TRAPPC3L: variants seen among roughly 807,000 people sequenced by gnomAD.
TRAPPC3L encodes the protein trafficking protein particle complex subunit 3-like protein.
In TRAPPC3L, 23 loss-of-function variants were observed where a neutral mutation model predicts 23.7. That is an observed-to-expected ratio of 0.97 (90% CI 0.70 to 1.37). The LOEUF (loss-of-function observed/expected upper bound fraction) is 1.37. Among genes scored for constraint, TRAPPC3L ranks in the 40% most tolerant of loss-of-function variants. The pLI, the probability that TRAPPC3L is intolerant of heterozygous loss-of-function variation, is 0.00. For missense variants in TRAPPC3L, 212 were observed against 216.8 expected, an observed-to-expected ratio of 0.98 and a Z score of 0.14; for synonymous variants, 81 against 77.9, an observed-to-expected ratio of 1.04 and a Z score of -0.21.
chr6:116,538,299 A>G (rs1447899235), intron 3 of TRAPPC3L, among the ~76,000 whole-genome samples: 1 of 152,246 alleles, frequency 6.6e-6, no homozygotes, highest in Non-Finnish European at 1.5e-5. Flanking sequence ...TCTCTGGGCC[A>G]AGGGCATTTA....
chr6:116,506,877 G>A (rs1387730343), intron 3 of TRAPPC3L, among the ~76,000 whole-genome samples: 1 of 152,142 alleles, frequency 6.6e-6, no homozygotes, highest in Admixed American at 6.6e-5. Context: ...TGGGGGGCTG[G>A]GGGAGGGATA....
chr6:116,513,242 T>C (rs1350782824), intron 3 of TRAPPC3L, among the ~76,000 whole-genome samples: 1 of 152,224 alleles, frequency 6.6e-6, no homozygotes, highest in Non-Finnish European at 1.5e-5. Flanking sequence ...TTTAAAATCA[T>C]ACACTCCAAA....
rs891900774 is a variant in TRAPPC3L at position 116,495,323 on chromosome 6, A to G, written c.*1631T>C. The G allele has an allele frequency of 6.6e-6, 1 of 151,914 alleles. No individual in the cohort carries two copies. Among genetic ancestry groups the G allele is most frequent in the Non-Finnish European group, 1.5e-5 (1 of 67,992 alleles). 9.4% of individuals were successfully genotyped at this position (151,914 alleles called of 1,614,324 possible). ...AACATAATGACCTCTAGTTCCATCC[A>G]TGTTTTGCAAATGACAGGATCTCAT... On this transcript the variant is annotated 3_prime_UTR_variant, in exon 5 of 5. Coordinates refer to ENST00000368602, the MANE Select transcript of TRAPPC3L (RefSeq NM_001139444.3).
chr6:116,511,534 A>T (rs1445552270), intron 3 of TRAPPC3L: 14 of 651,782 alleles, frequency 2.1e-5, no homozygotes. Flanking sequence ...AAACATGTTG[A>T]GAAATATTCA....
At chr6:116,507,660 G>A (rs1481607755) in intron 3 of TRAPPC3L, among the ~76,000 whole-genome samples, 1 of 152,042 alleles carries the variant, frequency 6.6e-6, no homozygotes, top group Admixed American at 6.6e-5. Flanking sequence ...TGGGGGTCTT[G>A]GTTGCAGGTA....
chr6:116,501,714 G>A (rs1771918553), intron 3 of TRAPPC3L, among the ~76,000 whole-genome samples: 1 of 152,212 alleles, frequency 6.6e-6, no homozygotes, highest in Non-Finnish European at 1.5e-5. Context: ...GCCTCCGCTG[G>A]TGATACCCAG....
At chr6:116,502,841 C>T (rs1033928881) in intron 3 of TRAPPC3L, among the ~76,000 whole-genome samples, 1 of 152,110 alleles carries the variant, frequency 6.6e-6, no homozygotes, top group Non-Finnish European at 1.5e-5. Flanking sequence ...ATTTTGTTAC[C>T]ACCAGGCCTG....
At chr6:116,510,549 A>G (rs1386772187) in intron 3 of TRAPPC3L, among the ~76,000 whole-genome samples, 8 of 152,144 alleles carry the variant, frequency 5.3e-5, no homozygotes, top group African/African-American at 1.9e-4. Flanking sequence ...CGACCTCCCA[A>G]AATGCTAGGA....
chr6:116,522,350 C>G (rs970478533), intron 3 of TRAPPC3L: 4 of 152,146 alleles, frequency 2.6e-5, no homozygotes, highest in African/African-American at 9.7e-5. Context: ...CTTTAAGCCA[C>G]TGAATTTTGG....
intron 3 of TRAPPC3L, among the ~76,000 whole-genome samples, chr6:116,527,686 T>A (rs1772486292): frequency 6.6e-6 from 1 of 152,118 alleles, no homozygotes; most frequent in South Asian, 2.1e-4. Context: ...CATAAGTCAG[T>A]TTCACATGAG....
At position 116,495,481 on chromosome 6, in the gene TRAPPC3L, GTGCAGATATCTC is replaced by G. The variant is rs1223171243; in HGVS notation, c.*1461_*1472del. 6.6e-6 allele frequency: 1 copy of G among 152,182 alleles called. No homozygotes were observed. The highest frequency in any genetic ancestry group is 6.5e-5 in the Admixed American group (1 of 15,282). 9.4% of individuals were successfully genotyped at this position (152,182 alleles called of 1,614,324 possible). A position where few individuals can be genotyped will look rare whatever the true frequency, so the allele number is the denominator to read the frequency against. The stretch of plus-strand genomic sequence containing the variant: ...CAGTAGTTCTGCAGTAAACATGGGA[GTGCAGATATCTC>G]TTTGATATACTGATTTCCTTTATTT... On this transcript the variant is annotated 3_prime_UTR_variant, in exon 5 of 5. Transcript: ENST00000368602.
intron 2 of TRAPPC3L, among the ~76,000 whole-genome samples, chr6:116,541,888 A>G (rs1773486054): frequency 6.6e-6 from 1 of 152,194 alleles, no homozygotes; most frequent in African/African-American, 2.4e-5. Context: ...TTAAAAATGT[A>G]AGAGGCTCTC....
chr6:116,536,736 G>C (rs1773118934), intron 3 of TRAPPC3L, among the ~76,000 whole-genome samples: 1 of 152,166 alleles, frequency 6.6e-6, no homozygotes, highest in Non-Finnish European at 1.5e-5. Flanking sequence ...TGTGTGGTCT[G>C]AGAGGGGAGC....
rs568107027 is a variant in TRAPPC3L, at chr6:116,497,063, G to A, written c.437C>T (p.Ala146Val). 46 of 1,537,334 alleles carry A rather than the reference G, an allele frequency of 3.0e-5. No homozygotes were observed. The highest frequency in any genetic ancestry group is 2.0e-4 in the East Asian group (8 of 39,682). The change falls in exon 5 of 5, where the codon GCG becomes GTG. Residue 146 changes from alanine to valine, a missense_variant. Physicochemically the swap from Ala to Val is moderately conservative, Grantham distance 64. Coordinates refer to ENST00000368602, the MANE Select transcript of TRAPPC3L (RefSeq NM_001139444.3). ...IRGALEMVHL[A>V]ADVTFLQDRL... ...GTCTTGCAAGAATGTAACATCAGCCGCCAAATGAACCTAGGAAAGAAGAAA... is the reference window on the plus strand; with the variant it reads ...GTCTTGCAAGAATGTAACATCAGCCACCAAATGAACCTAGGAAAGAAGAAA...
At chr6:116,510,053 A>C (rs1225281771) in intron 3 of TRAPPC3L, among the ~76,000 whole-genome samples, 3 of 152,196 alleles carry the variant, frequency 2.0e-5, no homozygotes, top group Non-Finnish European at 2.9e-5. Flanking sequence ...AGATATACAA[A>C]TGGACAACAA....
chr6:116,543,272 C>T, intron 2 of TRAPPC3L, 31 bp downstream of exon 2: 1 of 1,485,722 alleles, frequency 6.7e-7, no homozygotes, highest in Non-Finnish European at 9.1e-7. Context: ...AAACAACAGC[C>T]ATTCAATAAG....
At position 116,540,481 on chromosome 6, in the gene TRAPPC3L, G is replaced by C. The variant is rs905722796; in HGVS notation, c.141-19C>G. On this transcript the variant is annotated intron_variant, in intron 2 of 4. Coordinates refer to ENST00000368602, the MANE Select transcript of TRAPPC3L (RefSeq NM_001139444.3). ...GTAACCCCTGTGGATGACGGAAAGA[G>C]TGTGGTCTGAAAATTCTAAGAAATT... is the stretch of plus-strand genomic sequence containing the variant. 5 of 1,547,934 alleles carry C rather than the reference G, an allele frequency of 3.2e-6. No individual in the cohort carries two copies. The highest frequency in any genetic ancestry group is 2.0e-5 in the Admixed American group (1 of 50,298).
At chr6:116,501,286 CG>C (rs1200706088) in intron 3 of TRAPPC3L, among the ~76,000 whole-genome samples, 2 of 151,936 alleles carry the variant, frequency 1.3e-5, no homozygotes, top group South Asian at 2.1e-4. Context: ...TGAAGCTTGG[CG>C]GGGGGAGGGG....
intron 4 of TRAPPC3L, among the ~76,000 whole-genome samples, chr6:116,497,814 A>G (rs1771855536): frequency 6.6e-6 from 1 of 152,218 alleles, no homozygotes; most frequent in Non-Finnish European, 1.5e-5. Context: ...ATAAATAAGT[A>G]AAAGCACCTA....
Sources: allele counts gnomAD v4.1 joint callset (sites outside exome capture counted in the v4.1 genomes callset), GRCh38; gene constraint gnomAD v4.1.1; transcripts MANE v1.5; gene names NCBI Gene and HGNC (gene_info 2026-07-23, HGNC 2026-07-21).